The following TMEM168 variants were observed in gnomAD, a reference collection of about 807,000 sequenced individuals.
TMEM168 encodes the protein transmembrane protein 168.
Under a neutral mutation model 53.2 loss-of-function variants are expected in TMEM168, and 40 were observed. That is an observed-to-expected ratio of 0.75 (90% confidence interval 0.58 to 0.98). TMEM168 has a LOEUF of 0.98. Ranked by LOEUF, TMEM168 falls within the 50% of genes least tolerant of loss-of-function variation. The pLI, the probability that TMEM168 is intolerant of heterozygous loss-of-function variation, is 0.00. For missense variants in TMEM168, 771 were observed against 828.8 expected (o/e 0.93, Z 0.86); for synonymous variants, 282 against 293.0 (o/e 0.96, Z 0.38).
At chr7:112,772,432 G>C (rs1045505864) in intron 4 of TMEM168, among the ~76,000 whole-genome samples, 10 of 152,114 alleles carry the variant, frequency 6.6e-5, no homozygotes, top group Non-Finnish European at 4.4e-5. Flanking sequence ...AGATGTGAAG[G>C]ACTACTGAAA....
chr7:112,777,520 G>T (rs979261540), intron 2 of TMEM168, among the ~76,000 whole-genome samples: 10 of 151,836 alleles, frequency 6.6e-5, no homozygotes, highest in African/African-American at 2.4e-4. Context: ...TAAAATATGA[G>T]ATCTTCTTAC....
rs1314318896 is a variant in TMEM168 at position 112,790,388 on chromosome 7, A to C, written c.-357T>G. On this transcript the variant is annotated 5_prime_UTR_variant, in exon 1 of 5. Transcript: ENST00000312814. ...CGACCGCCATGTTTCCGCCGCCGAA[A>C]TCCGCGACGGTACGGAACGCCGCCG... is the stretch of plus-strand genomic sequence containing the variant. The C allele has an allele frequency of 6.6e-6, 1 of 152,360 alleles. No homozygotes were observed. The highest frequency in any genetic ancestry group is 1.9e-4 in the East Asian group (1 of 5,178). 9.4% of individuals were successfully genotyped at this position (152,360 alleles called of 1,614,324 possible). A position where few individuals can be genotyped will look rare whatever the true frequency, so the allele number is the denominator to read the frequency against.
rs1792719389 is a variant in TMEM168, at chr7:112,764,239, G to C, written c.*2958C>G. On this transcript the variant is annotated 3_prime_UTR_variant, in exon 5 of 5. Transcript: ENST00000312814. ...ATGTTTTTAGAGCTAGTGGTTTTGT[G>C]GTTTTAGCAAGGTATCACATGAGGA... 2 of 151,600 alleles carry C rather than the reference G, an allele frequency of 1.3e-5. No homozygotes were observed. Among genetic ancestry groups the C allele is most frequent in the African/African-American group, 4.8e-5 (2 of 41,300 alleles). The allele number at this position is 151,600 out of a possible 1,614,324, so 9.4% of individuals were successfully genotyped here. A position where few individuals can be genotyped will look rare whatever the true frequency, so the allele number is the denominator to read the frequency against.
At chr7:112,785,989 C>G (rs575358663) in intron 1 of TMEM168, among the ~76,000 whole-genome samples, 9 of 152,272 alleles carry the variant, frequency 5.9e-5, no homozygotes, top group African/African-American at 2.2e-4. Context: ...AGGTGGATCA[C>G]TTGAGGTCAG....
At chr7:112,769,783 T>C (rs1284154074) in intron 4 of TMEM168, among the ~76,000 whole-genome samples, 1 of 152,194 alleles carries the variant, frequency 6.6e-6, no homozygotes, top group Non-Finnish European at 1.5e-5. Flanking sequence ...TTTCCATTTA[T>C]TTCTGTCTCT....
chr7:112,786,675 G>A (rs1356716094), intron 1 of TMEM168, among the ~76,000 whole-genome samples: 3 of 151,910 alleles, frequency 2.0e-5, no homozygotes, highest in Non-Finnish European at 4.4e-5. Flanking sequence ...TCCTCAAAGA[G>A]CTGATGGTAC....
At chr7:112,788,667 T>C (rs893905887) in intron 1 of TMEM168, 2 of 152,184 alleles carry the variant, frequency 1.3e-5, no homozygotes, top group Admixed American at 6.5e-5. Flanking sequence ...TCAATATGCA[T>C]ATGGGAAAAG....
At chr7:112,770,594 C>A (rs1052984034) in intron 4 of TMEM168, among the ~76,000 whole-genome samples, 2 of 127,446 alleles carry the variant, frequency 1.6e-5, no homozygotes, top group African/African-American at 8.2e-5. Flanking sequence ...AGAAAAACTG[C>A]GAGAGATATA....
rs1792966184 is a variant in TMEM168 at position 112,772,913 on chromosome 7, G to C, written c.1414C>G (p.Leu472Val). The C allele has an allele frequency of 1.2e-6, 2 of 1,614,104 alleles. No individual in the cohort carries two copies. The highest frequency in any genetic ancestry group is 4.5e-5 in the East Asian group (2 of 44,856). ...TTGGAATGCAGAGTATCAAATGACA[G>C]TCCACTTGTGGAATAGTCACATCCA... is the stretch of plus-strand genomic sequence containing the variant. Reference protein sequence around the residue: ...TYGCDYSTSGLSFDTLHSKLK... With the variant: ...TYGCDYSTSGVSFDTLHSKLK... The change falls in exon 4 of 5, where the codon CTG becomes GTG. Residue 472 changes from leucine to valine, a missense_variant. Coordinates refer to ENST00000312814, the MANE Select transcript of TMEM168 (RefSeq NM_022484.6).
intron 2 of TMEM168, 137 bp downstream of exon 2, chr7:112,783,561 A>C (rs1793286527): frequency 2.2e-6 from 2 of 927,924 alleles, no homozygotes; most frequent in Non-Finnish European, 1.5e-6. Flanking sequence ...CAGTGCTTCA[A>C]TTCCATGAAC....
Position 112,767,439 on chromosome 7 carries a change from C to A in TMEM168, c.1852G>T (p.Val618Leu), listed in dbSNP as rs534664841. 6.2e-7 allele frequency: 1 copy of A among 1,614,198 alleles called. No individual in the cohort carries two copies. The highest frequency in any genetic ancestry group is 1.1e-5 in the South Asian group (1 of 91,092). The change falls in exon 5 of 5, where the codon GTG (valine) becomes TTG (leucine). Residue 618 changes from valine (V) to leucine (L), a missense_variant. Transcript: ENST00000312814. ...KGRTVKAVYG[V>L]SKRWSDYTLH... ...GTGTAGTCACTCCACCGTTTTGACA[C>A]ACCATATACTGCTTTCACTGTGCGT...
intron 1 of TMEM168, chr7:112,788,317 A>G (rs1227227907): frequency 3.3e-5 from 5 of 152,156 alleles, no homozygotes; most frequent in African/African-American, 1.2e-4. Flanking sequence ...ATATTAATCT[A>G]CCTATAGAAA....
Position 112,790,217 on chromosome 7 carries a change from C to T in TMEM168, c.-186G>A, listed in dbSNP as rs982767740. 6.6e-6 allele frequency: 1 copy of T among 152,588 alleles called. No homozygotes were observed. The highest frequency in any genetic ancestry group is 1.5e-5 in the Non-Finnish European group (1 of 68,222). 9.5% of individuals were successfully genotyped at this position (152,588 alleles called of 1,614,324 possible). A position where few individuals can be genotyped will look rare whatever the true frequency, so the allele number is the denominator to read the frequency against. ...CAACCCTCGGAGTCAGTTCCAAAAC[C>T]AAACCAAAAAGGAGGAGAGCAGACA... On this transcript the variant is annotated 5_prime_UTR_variant, in exon 1 of 5. Coordinates refer to ENST00000312814, the MANE Select transcript of TMEM168 (RefSeq NM_022484.6).
chr7:112,772,634 T>A (rs892704878), intron 4 of TMEM168, 147 bp downstream of exon 4: 1 of 817,160 alleles, frequency 1.2e-6, no homozygotes, highest in African/African-American at 1.7e-5. Context: ...TAAACAGGTA[T>A]GCTAGAGCAA....
chr7:112,774,915 G>C (rs1432086024), intron 3 of TMEM168, among the ~76,000 whole-genome samples: 1 of 151,470 alleles, frequency 6.6e-6, no homozygotes, highest in Non-Finnish European at 1.5e-5. Context: ...TTCCCTTTAG[G>C]GTAAGATCTT....
rs1792764803 is a variant in TMEM168, at chr7:112,765,896, G to A, written c.*1301C>T. 1 of 150,968 alleles carries A rather than the reference G, an allele frequency of 6.6e-6. No homozygotes were observed. 9.4% of individuals were successfully genotyped at this position (150,968 alleles called of 1,614,324 possible). On this transcript the variant is annotated 3_prime_UTR_variant, in exon 5 of 5. Coordinates refer to ENST00000312814, the MANE Select transcript of TMEM168 (RefSeq NM_022484.6). ...TTTTCAAGTCACCAGGTAGAAAATG[G>A]TGGAGGCATTATTTCCTCTTTCTGA...
At position 112,772,827 on chromosome 7, in the gene TMEM168, C is replaced by G; in HGVS notation, c.1500G>C (p.Leu500Phe). ...VDGPRHDTYI[L>F]YYSGHTHGTG... ...TACCATGGGTGTGCCCACTGTAATA[C>G]AAAATATACGTATCATGTCTGGGTC... The change falls in exon 4 of 5, where the codon TTG becomes TTC. Residue 500 changes from leucine to phenylalanine, a missense_variant. Coordinates refer to ENST00000312814, the MANE Select transcript of TMEM168 (RefSeq NM_022484.6). 2 of 1,614,004 alleles carry G rather than the reference C, an allele frequency of 1.2e-6. No homozygotes were observed. Among genetic ancestry groups the G allele is most frequent in the Non-Finnish European group, 8.5e-7 (1 of 1,179,932 alleles).
At chr7:112,781,253 A>C (rs1225766679) in intron 2 of TMEM168, among the ~76,000 whole-genome samples, 1 of 152,160 alleles carries the variant, frequency 6.6e-6, no homozygotes, top group African/African-American at 2.4e-5. Context: ...GAACACCACC[A>C]CCAACCAACT....
chr7:112,784,431 A>G lies in TMEM168; in HGVS notation c.395T>C (p.Val132Ala). ...STKYLLLTSI[V>A]LRILCSLVER... is the part of the protein sequence containing the mutation. ...CACCAGAGAGCACAATATCCTTAAC[A>G]CTATGGATGTTAGAAGCAAATATTT... The change falls in exon 2 of 5, where the codon GTG becomes GCG. Residue 132 changes from valine (V) to alanine (A), a missense_variant. Val to Ala is a moderately conservative substitution (Grantham distance 64). Coordinates refer to ENST00000312814, the MANE Select transcript of TMEM168 (RefSeq NM_022484.6). 1 of 1,614,062 alleles carries G rather than the reference A, an allele frequency of 6.2e-7. No individual in the cohort carries two copies. The highest frequency in any genetic ancestry group is 2.2e-5 in the East Asian group (1 of 44,878).
Sources: gnomAD v4.1 joint callset for allele counts (sites outside exome capture counted in the v4.1 genomes callset) on GRCh38, gnomAD v4.1.1 for gene constraint, MANE v1.5 for transcripts, NCBI Gene and HGNC (gene_info 2026-07-23, HGNC 2026-07-21) for gene names.